Variants in ZDHHC11B observed in about 807,000 individuals in gnomAD.
ZDHHC11B encodes the protein zDHHC palmitoyltransferase 11B (putative).
Under a neutral mutation model 42.3 loss-of-function variants are expected in ZDHHC11B, and 17 were observed. The ratio of observed to expected loss-of-function variants is 0.40; its 90% CI spans 0.27 to 0.60. The LOEUF (loss-of-function observed/expected upper bound fraction) is 0.60. Among genes scored for constraint, ZDHHC11B ranks in the 20% least tolerant of loss-of-function variants. The pLI, the probability that ZDHHC11B is intolerant of heterozygous loss-of-function variation, is 0.41. For missense variants in ZDHHC11B, 262 were observed against 463.2 expected (o/e 0.57, Z 3.99); for synonymous variants, 123 against 193.5 (o/e 0.64, Z 3.02).
chr5:717,438 C>A (rs1741838075), intron 12 of ZDHHC11B, among the ~76,000 whole-genome samples: 1 of 151,560 alleles, frequency 6.6e-6, no homozygotes, highest in Admixed American at 6.6e-5. Context: ...GGGGATCCGG[C>A]TTAAGTTGCA....
At chr5:758,413 G>A (rs1187690891) in intron 4 of ZDHHC11B, among the ~76,000 whole-genome samples, 9 of 151,892 alleles carry the variant, frequency 5.9e-5, no homozygotes, top group Non-Finnish European at 1.2e-4. Context: ...TCCGGGCTTC[G>A]CACAAAGAAG....
chr5:714,824 G>A (rs1238457404), intron 13 of ZDHHC11B, among the ~76,000 whole-genome samples: 7 of 150,336 alleles, frequency 4.7e-5, no homozygotes, highest in African/African-American at 9.8e-5. Flanking sequence ...CTCATAGGAC[G>A]TGTTTGTGTC....
At chr5:772,336 G>A (rs147144544) in intron 1 of ZDHHC11B, among the ~76,000 whole-genome samples, 14,498 of 142,996 alleles carry the variant, frequency 0.1, 11 homozygotes, top group Non-Finnish European at 0.15. Context: ...ATGAGAGCAC[G>A]GTGGGGGCCG....
intron 6 of ZDHHC11B, among the ~76,000 whole-genome samples, chr5:754,401 G>A (rs1401364583): frequency 7.8e-6 from 1 of 128,560 alleles, no homozygotes; most frequent in African/African-American, 2.6e-5. Context: ...CCTCCACCAT[G>A]CTCAGGAGAA....
intron 4 of ZDHHC11B, among the ~76,000 whole-genome samples, chr5:764,042 T>C (rs1441714192): frequency 6.6e-6 from 1 of 151,972 alleles, no homozygotes. Context: ...GCCTTGCCCA[T>C]GGCTGAGGCA....
intron 1 of ZDHHC11B, among the ~76,000 whole-genome samples, chr5:775,427 A>C (rs1385898782): frequency 6.6e-6 from 1 of 151,946 alleles, no homozygotes. Context: ...GTCTCTGCGG[A>C]GAAAGACTCT....
At position 751,611 on chromosome 5, in the gene ZDHHC11B, G is replaced by A. The variant is rs140745585; in HGVS notation, c.504-354C>T. Among the ~76,000 whole-genome samples, 1,061 of 124,288 alleles carry A rather than the reference G, an allele frequency of 8.5e-3. 103 individuals carry two copies. The highest frequency in any genetic ancestry group is 0.025 in the African/African-American group (956 of 38,086). 81.5% of individuals were successfully genotyped at this position (124,288 alleles called of 152,430 possible). A position where few individuals can be genotyped will look rare whatever the true frequency, so the allele number is the denominator to read the frequency against. On this transcript the variant is annotated intron_variant, in intron 6 of 13. Transcript: ENST00000508859. ...GGGACGCGCAGGGCATCTGGAGCCC[G>A]CAGGGTGGAGGTGACAGGTCAGCGT...
chr5:766,019 C>G lies in ZDHHC11B; in HGVS notation c.222+679G>C, dbSNP rs1490868207. Among the ~76,000 whole-genome samples the G allele has an allele frequency of 4.8e-4, 73 of 151,990 alleles. 1 individual carries two copies. The highest frequency in any genetic ancestry group is 1.7e-3 in the African/African-American group (69 of 41,450). On this transcript the variant is annotated intron_variant, in intron 4 of 13. Coordinates refer to ENST00000508859, the MANE Select transcript of ZDHHC11B (RefSeq NM_001351303.2). ...GAACGCAGGCCAACTGTTCCCCAGG[C>G]CCCTTTGTCCCCACACATCCATGTC...
At chr5:773,041 C>G (rs1423630797) in intron 1 of ZDHHC11B, among the ~76,000 whole-genome samples, 1 of 151,992 alleles carries the variant, frequency 6.6e-6, no homozygotes, top group Admixed American at 6.6e-5. Context: ...GCCACACACA[C>G]AGATCAGGAG....
At chr5:766,309 C>CT (rs1325674997) in intron 4 of ZDHHC11B, among the ~76,000 whole-genome samples, 10 of 151,752 alleles carry the variant, frequency 6.6e-5, no homozygotes, top group South Asian at 4.2e-4. Context: ...GGACCCCTGC[C>CT]GCTGGAAGAT....
chr5:769,991 C>A (rs1735861914), intron 1 of ZDHHC11B, among the ~76,000 whole-genome samples: 1 of 151,918 alleles, frequency 6.6e-6, no homozygotes, highest in Non-Finnish European at 1.5e-5. Context: ...GTCCACACCA[C>A]TCGGTGCACA....
rs368408760 is a variant in ZDHHC11B, at chr5:733,759, T to G, written c.1016A>C (p.Lys339Thr). The G allele has an allele frequency of 2.0e-4, 320 of 1,609,996 alleles. 1 individual carries two copies. In the South Asian group the frequency reaches 2.5e-3, roughly 12 times the overall value. The change falls in exon 11 of 14, where the codon AAG becomes ACG. Residue 339 changes from lysine (K) to threonine (T), a missense_variant. By Grantham distance (78) the Lys-to-Thr change is moderately conservative (BLOSUM62 -1). Around this residue, in one of 5 missense-constraint regions of ZDHHC11B, gnomAD observed 75 missense variants for 70.1 expected, o/e 1.07. Transcript: ENST00000508859. ...CTGGTGACTGCAACTTACCTGTGCC[T>G]TCGAATCCCCGTCCTGGTTTACTGA... ...CTSVNQDGDSKAQEADDAPST... is the reference protein window; with the variant it reads ...CTSVNQDGDSTAQEADDAPST...
chr5:749,700 G>A (rs1186162643), intron 7 of ZDHHC11B, among the ~76,000 whole-genome samples: 1 of 130,226 alleles, frequency 7.7e-6, no homozygotes, highest in African/African-American at 2.5e-5. Flanking sequence ...CTGCCGTGTG[G>A]AAGCAGCATG....
At chr5:760,924 C>A (rs1233578691) in intron 4 of ZDHHC11B, among the ~76,000 whole-genome samples, 2 of 151,534 alleles carry the variant, frequency 1.3e-5, no homozygotes, top group African/African-American at 4.9e-5. Flanking sequence ...AACTGCTCAG[C>A]TTCAACCACA....
intron 1 of ZDHHC11B, among the ~76,000 whole-genome samples, chr5:770,094 G>C (rs1735874959): frequency 6.6e-6 from 1 of 151,652 alleles, no homozygotes; most frequent in African/African-American, 2.4e-5. Context: ...AGCTTTGGCA[G>C]GCTTGGCCTT....
At position 726,872 on chromosome 5, in the gene ZDHHC11B, A is replaced by G. The variant is rs1464971476; in HGVS notation, c.1058+3562T>C. Among the ~76,000 whole-genome samples the G allele has an allele frequency of 5.2e-5, 6 of 115,306 alleles. No homozygotes were observed. In the South Asian group the frequency reaches 8.7e-4, roughly 17 times the overall value. The allele number at this position is 115,306 out of a possible 152,430, so 75.6% of individuals were successfully genotyped here. On this transcript the variant is annotated intron_variant, in intron 12 of 13. Transcript: ENST00000508859. ...CAATCCTGGTCACAATTAATTTTCT[A>G]TCATTCTTGCCAGAAATGGATAAAG...
chr5:722,106 A>T (rs1300307449), intron 12 of ZDHHC11B, among the ~76,000 whole-genome samples: 1 of 151,674 alleles, frequency 6.6e-6, no homozygotes, highest in East Asian at 1.9e-4. Flanking sequence ...AAAACTGAAA[A>T]CCCTTAGTAG....
intron 4 of ZDHHC11B, among the ~76,000 whole-genome samples, chr5:765,928 G>C (rs1174853450): frequency 6.6e-6 from 1 of 151,920 alleles, no homozygotes; most frequent in Non-Finnish European, 1.5e-5. Context: ...TCCCCACTGA[G>C]GAAGGCTCTA....
chr5:737,391 G>T (rs4956971), intron 10 of ZDHHC11B, among the ~76,000 whole-genome samples: 98,014 of 147,584 alleles, frequency 0.66, 31,804 homozygotes, highest in Middle Eastern at 0.78. Context: ...AGAAGGACTG[G>T]TACCTATCTT....
Sources: gnomAD v4.1 joint callset for allele counts (sites outside exome capture counted in the v4.1 genomes callset) on GRCh38, gnomAD v4.1.1 for gene constraint, gnomAD v4.1.1 regional missense constraint, MANE v1.5 for transcripts, NCBI Gene and HGNC (gene_info 2026-07-23, HGNC 2026-07-21) for gene names.